Variants in BICRAL observed in about 807,000 individuals in gnomAD.
BICRAL encodes BICRA like chromatin remodeling complex associated protein, also known as BRD4-interacting chromatin-remodeling complex-associated protein-like.
BICRAL carries 8 observed loss-of-function variants against 91.8 expected under a neutral mutation model. The ratio of observed to expected loss-of-function variants is 0.09; its 90% CI spans 0.05 to 0.16. BICRAL has a LOEUF of 0.16. BICRAL is among the 10% of genes least tolerant of loss of function. The pLI, the probability that BICRAL is intolerant of heterozygous loss-of-function variation, is 1.00. For missense variants in BICRAL, 1,038 were observed against 1,310.9 expected, an observed-to-expected ratio of 0.79 and a Z score of 3.21; for synonymous variants, 445 against 491.1, an observed-to-expected ratio of 0.91 and a Z score of 1.24.
chr6:42,864,163 G>A (rs1388648707), intron 12 of BICRAL, among the ~76,000 whole-genome samples: 10 of 145,896 alleles, frequency 6.9e-5, no homozygotes, highest in African/African-American at 1.5e-4. Context: ...GCAAAACTCC[G>A]TCTCAAAAAA....
At chr6:42,784,879 C>T (rs1763056395) in intron 1 of BICRAL, among the ~76,000 whole-genome samples, 1 of 152,144 alleles carries the variant, frequency 6.6e-6, no homozygotes, top group Non-Finnish European at 1.5e-5. Context: ...CTGGCCCACC[C>T]TGCACCCGCT....
chr6:42,856,279 T>C (rs747284286), intron 9 of BICRAL, among the ~76,000 whole-genome samples: 1 of 151,152 alleles, frequency 6.6e-6, no homozygotes, highest in Non-Finnish European at 1.5e-5. Context: ...ATTGCGCCAC[T>C]GCACTCCAGC....
intron 1 of BICRAL, among the ~76,000 whole-genome samples, chr6:42,771,677 G>A (rs1762738200): frequency 6.6e-6 from 1 of 151,892 alleles, no homozygotes; most frequent in Non-Finnish European, 1.5e-5. Flanking sequence ...TTGAGGGAGA[G>A]AATAATTAAC....
rs9471934 is a variant in BICRAL at position 42,866,283 on chromosome 6, G to A, written c.*837G>A. The A allele has an allele frequency of 0.057, 8,763 of 154,194 alleles. 811 individuals are homozygous for A. The highest frequency in any genetic ancestry group is 0.2 in the African/African-American group (8,144 of 41,460). 9.6% of individuals were successfully genotyped at this position (154,194 alleles called of 1,614,324 possible). A position where few individuals can be genotyped will look rare whatever the true frequency, so the allele number is the denominator to read the frequency against. ...AGAGGCACAGTGTACAGAGGAGGCC[G>A]GGATAGAGCCATGAGGGTTATAATA... On this transcript the variant is annotated 3_prime_UTR_variant, in exon 13 of 13. Coordinates refer to ENST00000314073, the MANE Select transcript of BICRAL (RefSeq NM_001393499.1).
At chr6:42,843,964 A>ATTT (rs564638855) in intron 6 of BICRAL, among the ~76,000 whole-genome samples, 43 of 132,224 alleles carry the variant, frequency 3.3e-4, no homozygotes, top group Non-Finnish European at 4.4e-4. Flanking sequence ...ATGCCGGCTA[A>ATTT]TTTTTTTTTT....
chr6:42,746,382 G>A (rs1762274894), upstream of BICRAL, among the ~76,000 whole-genome samples: 1 of 152,144 alleles, frequency 6.6e-6, no homozygotes. Context: ...AGCAGCGGCA[G>A]CTGCACATGT....
intron 6 of BICRAL, among the ~76,000 whole-genome samples, chr6:42,848,737 G>A (rs897414701): frequency 2.0e-5 from 3 of 151,848 alleles, no homozygotes; most frequent in Non-Finnish European, 4.4e-5. Context: ...CCGGCTACTC[G>A]GGCTGAGGTG....
At chr6:42,857,717 G>A (rs1015961953) in intron 10 of BICRAL, among the ~76,000 whole-genome samples, 3 of 147,930 alleles carry the variant, frequency 2.0e-5, no homozygotes, top group South Asian at 2.1e-4. Context: ...ATGGACTGCC[G>A]GCTCCAGATG....
rs1376883985 is a variant in BICRAL at position 42,798,729 on chromosome 6, A to G, written c.-101-11577A>G. Among the ~76,000 whole-genome samples the G allele has an allele frequency of 4.6e-5, 7 of 152,348 alleles. No homozygotes were observed. The East Asian group carries it at 9.6e-4, about 21-fold the overall frequency. On this transcript the variant is annotated intron_variant, in intron 1 of 12. Coordinates refer to ENST00000314073, the MANE Select transcript of BICRAL (RefSeq NM_001393499.1). ...AAAAAAAATTGTGTAGTGTTTGCAT[A>G]TAACCTACACAGATCCTCCCATATA...
At chr6:42,793,660 T>C (rs2113883746) in intron 1 of BICRAL, among the ~76,000 whole-genome samples, 1 of 152,124 alleles carries the variant, frequency 6.6e-6, no homozygotes, top group African/African-American at 2.4e-5. Flanking sequence ...GATGGAGAAA[T>C]CTGTGAAAGT....
Position 42,864,772 on chromosome 6 carries a change from C to T in BICRAL, c.2566C>T (p.Pro856Ser), listed in dbSNP as rs1383727054. The T allele has an allele frequency of 1.2e-6, 2 of 1,614,080 alleles. No individual in the cohort carries two copies. ...TAAAGCAAGCAGCTCTCTGCAACCG[C>T]CAGCCAAGGCCCAAGGCAGAGACCG... is the stretch of plus-strand genomic sequence containing the variant. ...GSKASSSLQPPAKAQGRDRAK... is the reference protein window; with the variant it reads ...GSKASSSLQPSAKAQGRDRAK... Residue 856 changes from proline (P) to serine (S), a missense_variant, in exon 13 of 13, where the codon CCA becomes TCA. Around this residue, in one of 5 missense-constraint regions of BICRAL, gnomAD observed 294 missense variants for 292.6 expected, o/e 1.00. Coordinates refer to ENST00000314073, the MANE Select transcript of BICRAL (RefSeq NM_001393499.1).
intron 1 of BICRAL, among the ~76,000 whole-genome samples, chr6:42,790,821 TGTTCTGTATAGTA>T: frequency 1.3e-5 from 2 of 151,906 alleles, no homozygotes; most frequent in East Asian, 3.9e-4. Flanking sequence ...TGATGAATAA[TGTTCTGTATAGTA>T]GAAGAGGAAA....
chr6:42,750,455 C>T (rs1011984679), intron 1 of BICRAL, among the ~76,000 whole-genome samples: 4 of 152,096 alleles, frequency 2.6e-5, no homozygotes, highest in East Asian at 1.9e-4. Context: ...TGAGCCCCCA[C>T]GCCTGGCCAC....
In BICRAL at chr6:42,865,116, T is replaced by C; in HGVS notation, c.2910T>C (p.Asn970=). ...ADSHLEMTCN[N]SFQDKSLRNS... is the part of the protein sequence containing the mutation. The stretch of plus-strand genomic sequence containing the variant: ...CGCACTTGGAGATGACGTGTAACAA[T>C]TCCTTCCAGGACAAAAGTCTGAGGA... Residue 970 remains asparagine, a synonymous_variant, in exon 13 of 13, where the codon AAT becomes AAC. Transcript: ENST00000314073. 6.2e-7 allele frequency: 1 copy of C among 1,614,080 alleles called. No homozygotes were observed. The highest frequency in any genetic ancestry group is 8.5e-7 in the Non-Finnish European group (1 of 1,179,990).
At chr6:42,825,571 A>G (rs1245226850) in intron 5 of BICRAL, among the ~76,000 whole-genome samples, 1 of 151,962 alleles carries the variant, frequency 6.6e-6, no homozygotes, top group African/African-American at 2.4e-5. Flanking sequence ...TCTCAAAAAA[A>G]AAAAAAGAAA....
At chr6:42,863,673 C>T (rs1765624004) in intron 12 of BICRAL, among the ~76,000 whole-genome samples, 1 of 152,146 alleles carries the variant, frequency 6.6e-6, no homozygotes, top group Non-Finnish European at 1.5e-5. Flanking sequence ...AGGCTGACAC[C>T]AGGAACTAAT....
At chr6:42,775,412 C>G (rs1414784903) in intron 1 of BICRAL, among the ~76,000 whole-genome samples, 1 of 152,132 alleles carries the variant, frequency 6.6e-6, no homozygotes, top group Admixed American at 6.5e-5. Context: ...GACCTCCATT[C>G]CACTTCCTCT....
chr6:42,852,383 C>G, intron 7 of BICRAL, 186 bp downstream of exon 7: 4 of 686,366 alleles, frequency 5.8e-6, no homozygotes, highest in Non-Finnish European at 1.1e-5. Flanking sequence ...AGCATTGGGC[C>G]GGGCACGGTG....
At chr6:42,778,152 C>T (rs1052285038), upstream of BICRAL, among the ~76,000 whole-genome samples, 5 of 152,152 alleles carry the variant, frequency 3.3e-5, no homozygotes, top group African/African-American at 9.7e-5. Context: ...TTGTAAACTC[C>T]TCCAGACTTA....
Sources: gnomAD v4.1 joint callset for allele counts (sites outside exome capture counted in the v4.1 genomes callset) on GRCh38, gnomAD v4.1.1 for gene constraint, gnomAD v4.1.1 regional missense constraint, MANE v1.5 for transcripts, NCBI Gene and HGNC (gene_info 2026-07-23, HGNC 2026-07-21) for gene names.